CIMAP3: variants seen among roughly 807,000 people sequenced by gnomAD.
CIMAP3 encodes ciliary microtubule-associated protein 3.
the CIMAP3 span, among the ~76,000 whole-genome samples, chr1:111,330,120 T>C: frequency 1.3e-5 from 2 of 152,172 alleles, no homozygotes; most frequent in Non-Finnish European, 2.9e-5. Flanking sequence ...CTGGATTGGG[T>C]TTTGCTATCC....
chr1:111,333,153 T>C, the CIMAP3 span, among the ~76,000 whole-genome samples: 67 of 152,314 alleles, frequency 4.4e-4, 1 homozygote, highest in Non-Finnish European at 2.6e-4. Flanking sequence ...TTTGGCTGGC[T>C]TGAAGGCAGG....
chr1:111,332,785 G>A, the CIMAP3 span, among the ~76,000 whole-genome samples: 1 of 152,154 alleles, frequency 6.6e-6, no homozygotes, highest in Non-Finnish European at 1.5e-5. Context: ...TCTGCAGGAG[G>A]TGACCCACAG....
At chr1:111,352,360 C>T in the CIMAP3 span, 1 of 152,596 alleles carries the variant, frequency 6.6e-6, no homozygotes, top group African/African-American at 2.4e-5. Flanking sequence ...GAGAAGCTGC[C>T]AGTGGCTGCA....
the CIMAP3 span, among the ~76,000 whole-genome samples, chr1:111,341,895 G>A: frequency 1.3e-5 from 2 of 150,624 alleles, no homozygotes; most frequent in African/African-American, 4.9e-5. Flanking sequence ...ATGTTTTAAT[G>A]AAAAAAAAAG....
chr1:111,346,495 G>A, the CIMAP3 span: 52 of 1,089,832 alleles, frequency 4.8e-5, no homozygotes, highest in African/African-American at 3.5e-4. Context: ...CCAAGGTGCG[G>A]GTTCCTGCCC....
the CIMAP3 span, chr1:111,350,349 C>A: frequency 1.4e-6 from 1 of 726,508 alleles, no homozygotes; most frequent in Non-Finnish European, 2.3e-6. Flanking sequence ...AAATTATATG[C>A]ACAATTTTGT....
the CIMAP3 span, among the ~76,000 whole-genome samples, chr1:111,327,526 A>T: frequency 3.9e-4 from 60 of 152,020 alleles, no homozygotes; most frequent in Admixed American, 8.5e-4. Flanking sequence ...TTACTGATTC[A>T]GTTTCAGAGC....
At chr1:111,345,940 C>T in the CIMAP3 span, among the ~76,000 whole-genome samples, 1 of 152,148 alleles carries the variant, frequency 6.6e-6, no homozygotes, top group Non-Finnish European at 1.5e-5. Context: ...TCTCAACAAT[C>T]CTATATAGAG....
the CIMAP3 span, chr1:111,347,588 C>G: frequency 1.2e-6 from 1 of 823,682 alleles, no homozygotes; most frequent in Non-Finnish European, 2.0e-6. Context: ...TTCGATGGCC[C>G]TGATGTTCTC....
At chr1:111,329,136 T>C in the CIMAP3 span, among the ~76,000 whole-genome samples, 1 of 152,146 alleles carries the variant, frequency 6.6e-6, no homozygotes, top group Non-Finnish European at 1.5e-5. Context: ...AATTCTTGGT[T>C]GAATATTGTT....
chr1:111,346,852 C>G, the CIMAP3 span: 2 of 1,595,216 alleles, frequency 1.3e-6, no homozygotes, highest in Non-Finnish European at 1.7e-6. Flanking sequence ...CCTCCCGGAA[C>G]GCGCTCACGT....
At chr1:111,333,864 T>G in the CIMAP3 span, among the ~76,000 whole-genome samples, 6,936 of 152,286 alleles carry the variant, frequency 0.046, 331 homozygotes, top group African/African-American at 0.11. Context: ...GCCCTCTTGC[T>G]GATGTTCAGA....
At chr1:111,333,852 C>T in the CIMAP3 span, among the ~76,000 whole-genome samples, 2 of 152,224 alleles carry the variant, frequency 1.3e-5, no homozygotes, top group East Asian at 3.8e-4. Flanking sequence ...CATCTGCAAT[C>T]AGCCCTCTTG....
At chr1:111,335,145 A>G in the CIMAP3 span, among the ~76,000 whole-genome samples, 1 of 139,644 alleles carries the variant, frequency 7.2e-6, no homozygotes, top group Non-Finnish European at 1.6e-5. Context: ...AAAAAAAAAA[A>G]AAAAAAAAGA....
chr1:111,344,068 C>G, the CIMAP3 span, among the ~76,000 whole-genome samples: 1 of 152,140 alleles, frequency 6.6e-6, no homozygotes, highest in Non-Finnish European at 1.5e-5. Flanking sequence ...TGTTTCTACT[C>G]TTTTATTATA....
chr1:111,331,910 T>C, the CIMAP3 span, among the ~76,000 whole-genome samples: 4 of 152,182 alleles, frequency 2.6e-5, no homozygotes, highest in African/African-American at 9.7e-5. Context: ...GGAGGGTGCA[T>C]TGGCCTTGTT....
chr1:111,327,048 C>T, the CIMAP3 span, among the ~76,000 whole-genome samples: 2 of 152,102 alleles, frequency 1.3e-5, no homozygotes, highest in Non-Finnish European at 2.9e-5. Flanking sequence ...GTTATCTCTT[C>T]ACTCTATTGA....
the CIMAP3 span, among the ~76,000 whole-genome samples, chr1:111,351,022 G>A: frequency 6.6e-6 from 1 of 152,120 alleles, no homozygotes; most frequent in African/African-American, 2.4e-5. Flanking sequence ...CCCACCAACT[G>A]CTTGGGGATT....
At chr1:111,333,521 C>G in the CIMAP3 span, among the ~76,000 whole-genome samples, 1 of 152,188 alleles carries the variant, frequency 6.6e-6, no homozygotes, top group Non-Finnish European at 1.5e-5. Context: ...AAACTGGGCT[C>G]AGGGCTCATG....
Sources: allele counts gnomAD v4.1 joint callset (sites outside exome capture counted in the v4.1 genomes callset), GRCh38; gene constraint gnomAD v4.1.1; transcripts MANE v1.5; gene names NCBI Gene and HGNC (gene_info 2026-07-23, HGNC 2026-07-21).